TECPR2: variants seen among roughly 807,000 people sequenced by gnomAD.
The protein encoded by TECPR2 is tectonin beta-propeller repeat-containing protein 2.
TECPR2 carries 65 observed loss-of-function variants against 138.1 expected under a neutral mutation model. That is an observed-to-expected ratio of 0.47 (90% CI 0.39 to 0.58). The LOEUF is 0.58. Ranked by LOEUF, TECPR2 falls within the 20% of genes least tolerant of loss-of-function variation. The pLI, the probability that TECPR2 is intolerant of heterozygous loss-of-function variation, is 0.00. For synonymous variants in TECPR2, 746 were observed against 749.8 expected, an observed-to-expected ratio of 0.99 and a Z score of 0.08; for missense variants, 1,553 against 1,824.5, an observed-to-expected ratio of 0.85 and a Z score of 2.71.
chr14:102,409,339 G>A (rs1022694459), intron 4 of TECPR2, among the ~76,000 whole-genome samples: 2 of 150,116 alleles, frequency 1.3e-5, no homozygotes, highest in African/African-American at 2.5e-5. Context: ...CGCTCTTGTC[G>A]CCCAGGCTGG....
chr14:102,381,266 T>C (rs989035369), intron 2 of TECPR2, among the ~76,000 whole-genome samples: 5 of 152,174 alleles, frequency 3.3e-5, no homozygotes, highest in Non-Finnish European at 7.3e-5. Context: ...TGGCCGATAG[T>C]AGCACATTTT....
chr14:102,373,308 A>G (rs1887556433), intron 1 of TECPR2, among the ~76,000 whole-genome samples: 1 of 152,124 alleles, frequency 6.6e-6, no homozygotes, highest in Non-Finnish European at 1.5e-5. Context: ...TGACTTTAAG[A>G]TTGAGCGAAA....
At chr14:102,482,245 A>G (rs980507546) in intron 17 of TECPR2, among the ~76,000 whole-genome samples, 1 of 152,034 alleles carries the variant, frequency 6.6e-6, no homozygotes, top group Non-Finnish European at 1.5e-5. Context: ...TAATAGAGAC[A>G]GGGTTTCACC....
chr14:102,437,268 C>T (rs953752555), intron 9 of TECPR2: 9 of 908,696 alleles, frequency 9.9e-6, no homozygotes, highest in African/African-American at 3.6e-5. Flanking sequence ...CTAGCAAGGT[C>T]GGGCACAGTG....
chr14:102,449,487 A>G, intron 13 of TECPR2, 142 bp from the exon 14 acceptor site: 1 of 1,337,494 alleles, frequency 7.5e-7, no homozygotes, highest in Non-Finnish European at 1.0e-6. Flanking sequence ...ACAAGCGCAC[A>G]CGTGCACATT....
intron 19 of TECPR2, 44 bp downstream of exon 19, chr14:102,497,763 C>T (rs1891328166): frequency 1.3e-6 from 2 of 1,546,326 alleles, no homozygotes; most frequent in Non-Finnish European, 8.8e-7. Context: ...TTGGGGTTCC[C>T]AGGGCTCCTG....
At chr14:102,377,926 G>A (rs1467356247) in intron 2 of TECPR2, among the ~76,000 whole-genome samples, 2 of 152,204 alleles carry the variant, frequency 1.3e-5, no homozygotes, top group African/African-American at 4.8e-5. Flanking sequence ...TAGCTGAGCT[G>A]AGGTCTCTTC....
intron 18 of TECPR2, 49 bp downstream of exon 18, chr14:102,497,169 A>G: frequency 1.3e-6 from 2 of 1,587,162 alleles, no homozygotes; most frequent in Non-Finnish European, 1.7e-6. Context: ...CGGGGCTACC[A>G]TCACTGGGGG....
chr14:102,447,066 A>ACGTG (rs1383745186), intron 13 of TECPR2, among the ~76,000 whole-genome samples: 1 of 152,216 alleles, frequency 6.6e-6, no homozygotes, highest in African/African-American at 2.4e-5. Flanking sequence ...AAAAGGAAAC[A>ACGTG]CTATAAGAAA....
intron 17 of TECPR2, among the ~76,000 whole-genome samples, chr14:102,471,766 C>T (rs1420955084): frequency 6.6e-6 from 1 of 152,118 alleles, no homozygotes; most frequent in African/African-American, 2.4e-5. Flanking sequence ...CTTAGTCTAG[C>T]TAAAGGTTTG....
chr14:102,472,898 C>T (rs1245774114), intron 17 of TECPR2, among the ~76,000 whole-genome samples: 1 of 152,244 alleles, frequency 6.6e-6, no homozygotes, highest in African/African-American at 2.4e-5. Context: ...AGGCGCTTCT[C>T]CCGGGCTGCT....
intron 17 of TECPR2, among the ~76,000 whole-genome samples, chr14:102,481,219 G>T (rs143865443): frequency 6.6e-6 from 1 of 151,920 alleles, no homozygotes; most frequent in African/African-American, 2.4e-5. Flanking sequence ...GGCCAGGCTG[G>T]TCTCAAACTC....
chr14:102,428,582 A>T (rs1889389255), intron 7 of TECPR2, among the ~76,000 whole-genome samples, 200 bp downstream of exon 7: 1 of 151,866 alleles, frequency 6.6e-6, no homozygotes, highest in Non-Finnish European at 1.5e-5. Context: ...GCAACATGGT[A>T]AAACCCTGTC....
chr14:102,498,101 A>G lies in TECPR2; in HGVS notation c.4082-2A>G, dbSNP rs1357677506. The G allele has an allele frequency of 6.2e-7, 1 of 1,612,708 alleles. No individual in the cohort carries two copies. Among genetic ancestry groups the G allele is most frequent in the Non-Finnish European group, 8.5e-7 (1 of 1,179,592 alleles). ...GTATGTGATTGGCTCTTGTCCCTGC[A>G]GTGACTGCGTCAGATGAGCTGTGGG... On this transcript the variant is annotated splice_acceptor_variant, in intron 19 of 19. Transcript: ENST00000359520. LOFTEE classifies it high-confidence loss of function.
intron 2 of TECPR2, among the ~76,000 whole-genome samples, chr14:102,381,742 A>G (rs1222249853): frequency 7.9e-5 from 12 of 152,254 alleles, no homozygotes; most frequent in Non-Finnish European, 8.8e-5. Context: ...TTCTTTAGAC[A>G]GAAGGGAACT....
chr14:102,459,873 G>T (rs954327850), intron 16 of TECPR2, among the ~76,000 whole-genome samples: 1 of 152,200 alleles, frequency 6.6e-6, no homozygotes, highest in Non-Finnish European at 1.5e-5. Flanking sequence ...AGCAGCCTTG[G>T]ACAGCATGAC....
Position 102,445,828 on chromosome 14 carries a change from G to A in TECPR2, c.2956G>A (p.Val986Ile), listed in dbSNP as rs751307750. 8.7e-6 allele frequency: 14 copies of A among 1,613,716 alleles called. No homozygotes were observed. The highest frequency in any genetic ancestry group is 3.3e-5 in the South Asian group (3 of 91,046). ...IVSERQALEP[V>I]CITLGDQQTL... ...CAGCGAAAGGCAAGCTTTAGAACCC[G>A]TCTGCATAACGCTCGGGGATCAGCA... Residue 986 changes from valine to isoleucine, a missense_variant, in exon 13 of 20, where the codon GTC becomes ATC. Val to Ile is a conservative substitution (Grantham distance 29). Coordinates refer to ENST00000359520, the MANE Select transcript of TECPR2 (RefSeq NM_014844.5).
intron 8 of TECPR2, 53 bp downstream of exon 8, chr14:102,432,181 C>A: frequency 1.4e-6 from 2 of 1,423,808 alleles, no homozygotes; most frequent in African/African-American, 2.9e-5. Flanking sequence ...TTTCCAGATT[C>A]TCTGGGAGTG....
chr14:102,497,971 A>T (rs1361457029), intron 19 of TECPR2, 132 bp from the exon 20 acceptor site: 1 of 1,255,012 alleles, frequency 8.0e-7, no homozygotes, highest in African/African-American at 1.5e-5. Context: ...TCACATGGAG[A>T]TGGTGGCTTG....
Sources: allele counts gnomAD v4.1 joint callset (sites outside exome capture counted in the v4.1 genomes callset), GRCh38; gene constraint gnomAD v4.1.1; transcripts MANE v1.5; gene names NCBI Gene and HGNC (gene_info 2026-07-23, HGNC 2026-07-21).